TNNI3K: variants seen among roughly 807,000 people sequenced by gnomAD.
TNNI3K encodes serine/threonine-protein kinase TNNI3K.
TNNI3K carries 140 observed loss-of-function variants against 114.5 expected under a neutral mutation model. The observed-to-expected ratio is 1.22, with a 90% CI of 1.07 to 1.41. The LOEUF is 1.41. Ranked by LOEUF, TNNI3K falls within the 40% of genes most tolerant of loss-of-function variation. TNNI3K has a pLI of 0.00. For missense variants in TNNI3K, 1,125 were observed against 1,007.6 expected (o/e 1.12, Z -1.58); for synonymous variants, 347 against 347.5 (o/e 1.00, Z 0.02).
At chr1:74,274,800 A>G (rs1412948318) in intron 5 of TNNI3K, among the ~76,000 whole-genome samples, 1 of 152,088 alleles carries the variant, frequency 6.6e-6, no homozygotes, top group Non-Finnish European at 1.5e-5. Flanking sequence ...ATCATAGCTT[A>G]GCCTAGCTGA....
intron 21 of TNNI3K, 40 bp from the exon 22 acceptor site, chr1:74,489,149 T>C (rs1668911991): frequency 1.9e-6 from 3 of 1,581,416 alleles, no homozygotes; most frequent in Non-Finnish European, 2.6e-6. Flanking sequence ...TCTCCTTCCT[T>C]TTATTCTTAA....
chr1:74,241,718 C>CTGTAT (rs1334358288), intron 2 of TNNI3K, among the ~76,000 whole-genome samples: 1 of 152,064 alleles, frequency 6.6e-6, no homozygotes, highest in East Asian at 1.9e-4. Context: ...TTCTCCCATT[C>CTGTAT]TGTAGGTTGC....
At chr1:74,488,141 G>A (rs1668861129) in intron 21 of TNNI3K, among the ~76,000 whole-genome samples, 1 of 152,144 alleles carries the variant, frequency 6.6e-6, no homozygotes, top group Non-Finnish European at 1.5e-5. Flanking sequence ...CCCAAAGAAT[G>A]AGGGGGTGTG....
chr1:74,544,020 G>T lies in TNNI3K; in HGVS notation c.*38G>T, dbSNP rs201977909. 6.3e-7 allele frequency: 1 copy of T among 1,592,426 alleles called. No individual in the cohort carries two copies. The highest frequency in any genetic ancestry group is 8.5e-7 in the Non-Finnish European group (1 of 1,170,506). On this transcript the variant is annotated 3_prime_UTR_variant, in exon 25 of 25. Coordinates refer to ENST00000326637, the MANE Select transcript of TNNI3K (RefSeq NM_015978.3). ...TATACCTAAGGAGAGTTTTTTCCCC[G>T]AACTGACAGCAACGATTCCAACCAC...
chr1:74,391,576 G>A (rs1040712103), intron 17 of TNNI3K, among the ~76,000 whole-genome samples: 8 of 152,188 alleles, frequency 5.3e-5, no homozygotes, highest in Non-Finnish European at 1.2e-4. Context: ...TGAGGTGCCT[G>A]TTAGACATTT....
chr1:74,459,951 C>T (rs1212929391), intron 20 of TNNI3K, among the ~76,000 whole-genome samples: 1 of 151,954 alleles, frequency 6.6e-6, no homozygotes, highest in African/African-American at 2.4e-5. Flanking sequence ...AATATGAAAG[C>T]CACTTACCAT....
intron 24 of TNNI3K, among the ~76,000 whole-genome samples, chr1:74,543,665 C>T (rs1646753186): frequency 6.6e-6 from 1 of 152,178 alleles, no homozygotes; most frequent in African/African-American, 2.4e-5. Context: ...ACTCCAAACC[C>T]AAAATGCCAC....
At chr1:74,527,677 G>C (rs1481947775) in intron 23 of TNNI3K, among the ~76,000 whole-genome samples, 2 of 152,120 alleles carry the variant, frequency 1.3e-5, no homozygotes, top group African/African-American at 4.8e-5. Flanking sequence ...ACATGTGTTG[G>C]GCAGCCACTG....
chr1:74,452,729 A>G (rs1667078046), intron 20 of TNNI3K, among the ~76,000 whole-genome samples: 1 of 152,154 alleles, frequency 6.6e-6, no homozygotes, highest in African/African-American at 2.4e-5. Context: ...GATAAAAACA[A>G]AACATCTTAA....
chr1:74,400,804 A>G (rs913880171), intron 17 of TNNI3K, among the ~76,000 whole-genome samples: 1 of 152,160 alleles, frequency 6.6e-6, no homozygotes, highest in Non-Finnish European at 1.5e-5. Context: ...CCCCAGGCTG[A>G]TGTCTGGTGG....
chr1:74,537,206 A>G (rs1298499882), intron 23 of TNNI3K, among the ~76,000 whole-genome samples: 2 of 152,204 alleles, frequency 1.3e-5, no homozygotes, highest in African/African-American at 4.8e-5. Flanking sequence ...TTTATTTCCT[A>G]TTATCTTGTG....
chr1:74,274,494 A>G (rs2100900503), intron 5 of TNNI3K, among the ~76,000 whole-genome samples: 1 of 152,176 alleles, frequency 6.6e-6, no homozygotes, highest in Non-Finnish European at 1.5e-5. Flanking sequence ...TTGTCTATAA[A>G]TGGTTAGAAT....
chr1:74,313,388 A>C (rs1659108923), intron 5 of TNNI3K, among the ~76,000 whole-genome samples: 2 of 152,184 alleles, frequency 1.3e-5, no homozygotes, highest in Admixed American at 6.5e-5. Context: ...GACACTTGGA[A>C]GATAATTACA....
intron 23 of TNNI3K, among the ~76,000 whole-genome samples, chr1:74,535,092 A>C (rs1646643809): frequency 1.3e-5 from 2 of 152,164 alleles, no homozygotes; most frequent in South Asian, 4.1e-4. Flanking sequence ...GAAGCTAAAA[A>C]TCTCCTGCCT....
chr1:74,412,586 A>G (rs916258947), intron 17 of TNNI3K, among the ~76,000 whole-genome samples: 3 of 151,986 alleles, frequency 2.0e-5, no homozygotes, highest in African/African-American at 7.2e-5. Context: ...CAGGCCACAT[A>G]ATTTTGTACT....
chr1:74,297,383 G>A (rs1375191381), intron 5 of TNNI3K, among the ~76,000 whole-genome samples: 2 of 152,272 alleles, frequency 1.3e-5, no homozygotes, highest in African/African-American at 4.8e-5. Flanking sequence ...TAAGATCATA[G>A]TAGTGGAGCC....
chr1:74,410,991 T>C (rs1319710622), intron 17 of TNNI3K, among the ~76,000 whole-genome samples: 3 of 152,210 alleles, frequency 2.0e-5, no homozygotes, highest in Non-Finnish European at 4.4e-5. Flanking sequence ...ATAATTTTTT[T>C]TGTCTTTGTG....
In TNNI3K at chr1:74,471,075, C is replaced by CTCAG. The variant is rs1416246083; in HGVS notation, c.2121+7526_2121+7529dup. 2.0e-5 allele frequency: 8 copies of CTCAG among 400,746 alleles called. No individual in the cohort carries two copies. In the Admixed American group the frequency reaches 3.5e-4, roughly 18 times the overall value. The allele number at this position is 400,746 out of a possible 1,614,324, so 24.8% of individuals were successfully genotyped here. On this transcript the variant is annotated intron_variant, in intron 21 of 24. Transcript: ENST00000326637. The stretch of plus-strand genomic sequence containing the variant: ...AGAATTGAGAATGTGAGTGCCTGTG[C>CTCAG]TCAGCATCAGTGGGTGTAGGTTGGG...
At chr1:74,443,813 A>T (rs577630028) in intron 20 of TNNI3K, among the ~76,000 whole-genome samples, 2 of 152,234 alleles carry the variant, frequency 1.3e-5, no homozygotes, top group East Asian at 3.9e-4. Context: ...TAGCTACCAC[A>T]ATCAAGTGGG....
Sources: gnomAD v4.1 joint callset for allele counts (sites outside exome capture counted in the v4.1 genomes callset) on GRCh38, gnomAD v4.1.1 for gene constraint, MANE v1.5 for transcripts, NCBI Gene and HGNC (gene_info 2026-07-23, HGNC 2026-07-21) for gene names.